Variants in BRSK1 observed in about 807,000 individuals in gnomAD.
BRSK1 encodes BR serine/threonine kinase 1, also known as serine/threonine-protein kinase BRSK1.
BRSK1 carries 17 observed loss-of-function variants against 86.2 expected under a neutral mutation model. That is an observed-to-expected ratio of 0.20 (90% CI 0.14 to 0.30). BRSK1 has a LOEUF of 0.30. Among genes scored for constraint, BRSK1 ranks in the 10% least tolerant of loss-of-function variants. BRSK1 has a pLI of 1.00. For missense variants in BRSK1, 719 were observed against 1,071.9 expected (o/e 0.67, Z 4.60); for synonymous variants, 464 against 440.1 (o/e 1.05, Z -0.68).
In BRSK1 at chr19:55,284,292, G is replaced by A. The variant is rs2088275303; in HGVS notation, c.-151G>A. 1.6e-6 allele frequency: 1 copy of A among 629,420 alleles called. No individual in the cohort carries two copies. The highest frequency in any genetic ancestry group is 2.3e-6 in the Non-Finnish European group (1 of 441,054). 39.0% of individuals were successfully genotyped at this position (629,420 alleles called of 1,614,324 possible). ...CAGCTCCGCGGCCCGCCGACTGGGG[G>A]GGGCCAGCCCAGCCCCCTGGGGACC... On this transcript the variant is annotated 5_prime_UTR_variant, in exon 1 of 19. Transcript: ENST00000309383.
intron 1 of BRSK1, 86 bp downstream of exon 1, chr19:55,284,664 G>A: frequency 1.7e-6 from 2 of 1,161,122 alleles, no homozygotes; most frequent in African/African-American, 1.6e-5. Flanking sequence ...CAAATGGCAG[G>A]GGCTGGCTGC....
rs537122207 is a variant in BRSK1, at chr19:55,287,170, G to A, written c.232-44G>A. ...CGGGGCTGAGGGCAGGGGCGGGGCC[G>A]TGCTGACCTCTTTTCCCGTGTCCCC... On this transcript the variant is annotated intron_variant, in intron 2 of 18. Coordinates refer to ENST00000309383, the MANE Select transcript of BRSK1 (RefSeq NM_032430.2). The surrounding 1 kb of genome is among the most constrained non-coding windows in gnomAD (Gnocchi z 5.3). 8.7e-6 allele frequency: 14 copies of A among 1,612,006 alleles called. No homozygotes were observed. The highest frequency in any genetic ancestry group is 6.7e-5 in the East Asian group (3 of 44,862).
chr19:55,286,655 G>C (rs1041192783), intron 1 of BRSK1, among the ~76,000 whole-genome samples: 1 of 151,706 alleles, frequency 6.6e-6, no homozygotes, highest in African/African-American at 2.4e-5. Context: ...AGAGAAAGTG[G>C]GGGGGCGGGG....
chr19:55,307,814 C>G (rs556526238), intron 17 of BRSK1, among the ~76,000 whole-genome samples: 1 of 145,054 alleles, frequency 6.9e-6, no homozygotes, highest in African/African-American at 2.6e-5. Context: ...AAAAGCCCAG[C>G]ACGGTGGCAT....
intron 7 of BRSK1, among the ~76,000 whole-genome samples, chr19:55,297,532 A>G (rs1341304562): frequency 1.3e-5 from 2 of 152,212 alleles, no homozygotes; most frequent in Non-Finnish European, 2.9e-5. Flanking sequence ...CATAACGGAT[A>G]CTAAGGGCAA....
rs774837846 is a variant in BRSK1, at chr19:55,305,236, T to C, written c.1718-85T>C. 50 of 1,548,436 alleles carry C rather than the reference T, an allele frequency of 3.2e-5. 1 individual carries two copies. In the Admixed American group the frequency reaches 5.6e-4, roughly 17 times the overall value. Reference sequence around the variant, plus strand: ...GCTGCAACCCAAGGCTCTGGAACCCTGGGAGGGGGCGAGTGCAGGCCTGTG... The same window carrying C: ...GCTGCAACCCAAGGCTCTGGAACCCCGGGAGGGGGCGAGTGCAGGCCTGTG... On this transcript the variant is annotated intron_variant, in intron 14 of 18. Coordinates refer to ENST00000309383, the MANE Select transcript of BRSK1 (RefSeq NM_032430.2).
chr19:55,308,735 G>A lies in BRSK1; in HGVS notation c.2179+7G>A. The A allele has an allele frequency of 1.3e-6, 2 of 1,540,076 alleles. No homozygotes were observed. The highest frequency in any genetic ancestry group is 1.8e-6 in the Non-Finnish European group (2 of 1,142,276). ...TCCGTGCAGGCCCTGGCAGGTGGGT[G>A]GTGGGGCCGTGGGTGGTGGGGGGCG... is the stretch of plus-strand genomic sequence containing the variant. On this transcript the variant is annotated splice_region_variant and intron_variant, in intron 18 of 18. Transcript: ENST00000309383.
At chr19:55,300,581 G>A (rs1315493957) in intron 7 of BRSK1, among the ~76,000 whole-genome samples, 3 of 152,196 alleles carry the variant, frequency 2.0e-5, no homozygotes, top group Non-Finnish European at 4.4e-5. Flanking sequence ...GCTCACGCCT[G>A]TAATCCCAGC....
chr19:55,301,402 T>C, intron 7 of BRSK1, 110 bp from the exon 8 acceptor site: 2 of 1,336,856 alleles, frequency 1.5e-6, no homozygotes, highest in Non-Finnish European at 2.0e-6. Context: ...AGCCTCTCTG[T>C]GCCTCAGTTT....
At chr19:55,300,030 T>C (rs1013490421) in intron 7 of BRSK1, among the ~76,000 whole-genome samples, 4 of 152,172 alleles carry the variant, frequency 2.6e-5, no homozygotes, top group African/African-American at 9.7e-5. Context: ...CCGTCCCGTA[T>C]GATACGTTCG....
chr19:55,284,005 A>C lies in BRSK1; in HGVS notation c.-438A>C. ...AAGGGCCCGGAGTCCCCGGATGGTG[A>C]TGTCAGCGTGCCGGAGAGAAAGGAC... On this transcript the variant is annotated 5_prime_UTR_variant, in exon 1 of 19. The change abolishes an upstream ATG in the 5' untranslated region. Transcript: ENST00000309383. 8.3e-7 allele frequency: 1 copy of C among 1,200,832 alleles called. No homozygotes were observed. The highest frequency in any genetic ancestry group is 3.5e-5 in the East Asian group (1 of 28,778). The allele number at this position is 1,200,832 out of a possible 1,614,324, so 74.4% of individuals were successfully genotyped here. A position where few individuals can be genotyped will look rare whatever the true frequency, so the allele number is the denominator to read the frequency against.
rs372052269 is a variant in BRSK1 at position 55,312,533 on chromosome 19, CAAAAAAAAAAAA to C, written c.*483_*494del. ...TCCGTGTCTCTGATTCCGCCGGCGGCAAAAAAAAAAAAAAAAAAAAAAAAAAAAAGATAATAA... is the reference window on the plus strand; with the variant it reads ...TCCGTGTCTCTGATTCCGCCGGCGGCAAAAAAAAAAAAAAAAAGATAATAA... On this transcript the variant is annotated 3_prime_UTR_variant, in exon 19 of 19. Transcript: ENST00000309383. 3.2e-3 allele frequency: 82 copies of C among 25,746 alleles called. No homozygotes were observed. The highest frequency in any genetic ancestry group is 0.056 in the Middle Eastern group (1 of 18). The allele number at this position is 25,746 out of a possible 1,614,324, so 1.6% of individuals were successfully genotyped here. A position where few individuals can be genotyped will look rare whatever the true frequency, so the allele number is the denominator to read the frequency against.
chr19:55,289,830 G>A (rs2088377872), intron 4 of BRSK1, among the ~76,000 whole-genome samples: 1 of 152,148 alleles, frequency 6.6e-6, no homozygotes. Flanking sequence ...ATCTGCCACT[G>A]TGGAATTTTA....
rs1332356497 is a variant in BRSK1, at chr19:55,306,646, C to T, written c.2089+196C>T. Among the ~76,000 whole-genome samples, 2 of 152,210 alleles carry T rather than the reference C, an allele frequency of 1.3e-5. No individual in the cohort carries two copies. The highest frequency in any genetic ancestry group is 2.9e-5 in the Non-Finnish European group (2 of 68,040). ...ATTTCCCCACTCTCATCAGCATTTC[C>T]CTGGCATTTACAGTGTAAATAATGA... is the stretch of plus-strand genomic sequence containing the variant. On this transcript the variant is annotated intron_variant, in intron 17 of 18. Transcript: ENST00000309383. The surrounding 1 kb of genome is among the most constrained non-coding windows in gnomAD (Gnocchi z 4.7).
At chr19:55,301,016 C>T (rs10403993) in intron 7 of BRSK1, among the ~76,000 whole-genome samples, 36,094 of 152,114 alleles carry the variant, frequency 0.24, 4,476 homozygotes, top group Middle Eastern at 0.3. Flanking sequence ...GTTCTCTGTG[C>T]CTGCGTCCTC....
chr19:55,306,109 G>A lies in BRSK1; in HGVS notation c.1891-143G>A. 1.3e-6 allele frequency: 1 copy of A among 750,894 alleles called. No homozygotes were observed. Among genetic ancestry groups the A allele is most frequent in the South Asian group, 1.8e-5 (1 of 55,984 alleles). 46.5% of individuals were successfully genotyped at this position (750,894 alleles called of 1,614,324 possible). On this transcript the variant is annotated intron_variant, in intron 16 of 18. Transcript: ENST00000309383. The surrounding 1 kb of genome is among the most constrained non-coding windows in gnomAD (Gnocchi z 4.7). ...ATAGAGAAAGCTACAAGTCCTTGCA[G>A]GCAGTGGGGCCTCCCAATGCATTTC...
intron 3 of BRSK1, among the ~76,000 whole-genome samples, chr19:55,288,817 T>G (rs2088362250): frequency 6.6e-6 from 1 of 152,106 alleles, no homozygotes; most frequent in African/African-American, 2.4e-5. Flanking sequence ...ACTCCTGATC[T>G]CAAGTGATCC....
In BRSK1 at chr19:55,304,930, C is replaced by T; in HGVS notation, c.1717+10C>T. On this transcript the variant is annotated intron_variant, in intron 14 of 18. Coordinates refer to ENST00000309383, the MANE Select transcript of BRSK1 (RefSeq NM_032430.2). The surrounding 1 kb of genome is among the most constrained non-coding windows in gnomAD (Gnocchi z 5.2). ...CGGCGCAAGATGCAGGGTATGGGGGCATGAACTGCCGAGTCCTAATGTGGG... is the reference window on the plus strand; with the variant it reads ...CGGCGCAAGATGCAGGGTATGGGGGTATGAACTGCCGAGTCCTAATGTGGG... The T allele has an allele frequency of 1.2e-6, 2 of 1,604,936 alleles. No individual in the cohort carries two copies. The highest frequency in any genetic ancestry group is 1.7e-6 in the Non-Finnish European group (2 of 1,179,550).
In BRSK1 at chr19:55,304,966, G is replaced by T. The variant is rs2088627718; in HGVS notation, c.1717+46G>T. The T allele has an allele frequency of 6.3e-7, 1 of 1,593,218 alleles. No homozygotes were observed. The highest frequency in any genetic ancestry group is 8.5e-7 in the Non-Finnish European group (1 of 1,176,880). On this transcript the variant is annotated intron_variant, in intron 14 of 18. Coordinates refer to ENST00000309383, the MANE Select transcript of BRSK1 (RefSeq NM_032430.2). The surrounding 1 kb of genome is among the most constrained non-coding windows in gnomAD (Gnocchi z 5.2). Reference sequence around the variant, plus strand: ...GAGTCCTAATGTGGGGAGAGGTTGGGGCTAAAAATCTGGTTCCAGGGATGT... The same window carrying T: ...GAGTCCTAATGTGGGGAGAGGTTGGTGCTAAAAATCTGGTTCCAGGGATGT...
Sources: allele counts gnomAD v4.1 joint callset (sites outside exome capture counted in the v4.1 genomes callset), GRCh38; gene constraint gnomAD v4.1.1; non-coding constraint Gnocchi (gnomAD v3.1); transcripts MANE v1.5; gene names NCBI Gene and HGNC (gene_info 2026-07-23, HGNC 2026-07-21).